The following GLI1 variants were observed in gnomAD, a reference collection of about 807,000 sequenced individuals.
GLI1 encodes the protein transcription activator GLI1.
In GLI1, 51 loss-of-function variants were observed where a neutral mutation model predicts 87.8. That is an observed-to-expected ratio of 0.58 (90% CI 0.46 to 0.73). The LOEUF is 0.73. GLI1 is among the 30% of genes least tolerant of loss of function. The pLI is 0.00. For missense variants in GLI1, 1,292 were observed against 1,437.2 expected, an observed-to-expected ratio of 0.90 and a Z score of 1.63; for synonymous variants, 528 against 558.2, an observed-to-expected ratio of 0.95 and a Z score of 0.76.
chr12:57,467,855 G>A (rs951485554), intron 9 of GLI1, 139 bp from the exon 10 acceptor site: 12 of 633,378 alleles, frequency 1.9e-5, no homozygotes, highest in Non-Finnish European at 3.1e-5. Context: ...GACTCCCACC[G>A]GAGGCCTCCA....
chr12:57,465,350 T>A, intron 5 of GLI1, 95 bp downstream of exon 5: 2 of 1,205,718 alleles, frequency 1.7e-6, no homozygotes, highest in Non-Finnish European at 2.3e-6. Flanking sequence ...ACAAGGGATA[T>A]AAGTTTTCAG....
chr12:57,469,388 C>T, intron 10 of GLI1, 43 bp from the exon 11 acceptor site: 1 of 1,594,760 alleles, frequency 6.3e-7, no homozygotes, highest in Non-Finnish European at 8.6e-7. Context: ...GTTGAAGGAG[C>T]TGTGGGGAAG....
Position 57,469,490 on chromosome 12 carries a change from G to T in GLI1, c.1368G>T (p.Gly456=), listed in dbSNP as rs752303305. ...GCAGCAGTGACCACTCCCCGGCAGG[G>T]AGTGCAGCCAATACAGACAGTGGTG... ...SSCSSDHSPA[G]SAANTDSGVE... Residue 456 remains glycine (G), a synonymous_variant, in exon 11 of 12, where the codon GGG becomes GGT. Transcript: ENST00000228682. 9.3e-6 allele frequency: 15 copies of T among 1,613,984 alleles called. No individual in the cohort carries two copies. The Admixed American group carries it at 1.0e-4, about 11-fold the overall frequency.
chr12:57,467,387 C>A lies in GLI1; in HGVS notation c.967C>A (p.Arg323=). ...SRLENLKTHL[R]SHTGEKPYMC... ...CCTCGAAAACCTGAAGACGCACCTG[C>A]GGTCACACACGGGTGAGAAGCCATA... The change falls in exon 9 of 12, where the codon CGG becomes AGG. Residue 323 remains arginine (R), a synonymous_variant. Transcript: ENST00000228682. 1 of 1,612,634 alleles carries A rather than the reference C, an allele frequency of 6.2e-7. No homozygotes were observed. The highest frequency in any genetic ancestry group is 8.5e-7 in the Non-Finnish European group (1 of 1,178,798).
chr12:57,460,465 A>T (rs907539918), intron 1 of GLI1: 5 of 152,268 alleles, frequency 3.3e-5, no homozygotes, highest in African/African-American at 1.2e-4. Flanking sequence ...CCTCTCCCAT[A>T]TATTAGAAAT....
intron 1 of GLI1, among the ~76,000 whole-genome samples, chr12:57,462,336 G>A (rs1307109063): frequency 6.6e-6 from 1 of 152,096 alleles, no homozygotes; most frequent in Non-Finnish European, 1.5e-5. Context: ...GGGCCGGGCT[G>A]GGTCGCGGGG....
At chr12:57,461,888 C>A (rs1285070377) in intron 1 of GLI1, among the ~76,000 whole-genome samples, 1 of 152,178 alleles carries the variant, frequency 6.6e-6, no homozygotes, top group African/African-American at 2.4e-5. Flanking sequence ...GGCAGGGGAA[C>A]CCTAGAGCTC....
intron 3 of GLI1, 141 bp from the exon 4 acceptor site, chr12:57,464,532 A>G (rs1454724014): frequency 9.5e-6 from 6 of 629,680 alleles, no homozygotes; most frequent in Admixed American, 8.9e-5. Context: ...TCTCAAAAAA[A>G]AAAAAAAAAA....
Position 57,470,439 on chromosome 12 carries a change from C to A in GLI1, c.1699C>A (p.Pro567Thr), listed in dbSNP as rs368138761. 2.8e-5 allele frequency: 45 copies of A among 1,614,060 alleles called. No individual in the cohort carries two copies. In the East Asian group the frequency reaches 6.0e-4, roughly 22 times the overall value. ...RRSSLASPFP[P>T]GSPPENGASS... ...CTCCTCCCTGGCCTCTCCTTTCCCC[C>A]CTGGCTCCCCACCAGAGAATGGAGC... Residue 567 changes from proline (P) to threonine (T), a missense_variant, in exon 12 of 12, where the codon CCT becomes ACT. By Grantham distance (38) the Pro-to-Thr change is conservative. Coordinates refer to ENST00000228682, the MANE Select transcript of GLI1 (RefSeq NM_005269.3).
chr12:57,470,539 G>A lies in GLI1; in HGVS notation c.1799G>A (p.Gly600Asp). ...RARYASARGG[G>D]TSPTAASSLD... ...AGATATGCTTCAGCCAGAGGGGGTGGTACTTCGCCCACTGCAGCATCCAGC... is the reference window on the plus strand; with the variant it reads ...AGATATGCTTCAGCCAGAGGGGGTGATACTTCGCCCACTGCAGCATCCAGC... Residue 600 changes from glycine to aspartate, a missense_variant, in exon 12 of 12, where the codon GGT (glycine) becomes GAT (aspartate). Around this residue, in one of 3 missense-constraint regions of GLI1, gnomAD observed 897 missense variants for 1,040.7 expected, o/e 0.86. Transcript: ENST00000228682. 6.2e-7 allele frequency: 1 copy of A among 1,614,032 alleles called. No individual in the cohort carries two copies. Among genetic ancestry groups the A allele is most frequent in the Non-Finnish European group, 8.5e-7 (1 of 1,179,964 alleles).
Position 57,470,826 on chromosome 12 carries a change from G to A in GLI1, c.2086G>A (p.Ala696Thr). 2.5e-6 allele frequency: 4 copies of A among 1,610,232 alleles called. No individual in the cohort carries two copies. Among genetic ancestry groups the A allele is most frequent in the Non-Finnish European group, 3.4e-6 (4 of 1,177,898 alleles). Residue 696 changes from alanine to threonine, a missense_variant, in exon 12 of 12, where the codon GCT becomes ACT. This residue lies in a region of GLI1 where 897 missense variants were observed against 1,040.7 expected (regional missense o/e 0.86). Transcript: ENST00000228682. Reference protein sequence around the residue: ...SPQPPSITENAAMDARGLQEE... With the variant: ...SPQPPSITENTAMDARGLQEE... ...ACAGCCCCCCAGCATCACTGAGAAT[G>A]CTGCCATGGATGCTAGAGGGCTACA...
Position 57,467,344 on chromosome 12 carries a change from C to A in GLI1, c.924C>A (p.Cys308Ter). 1 of 1,607,798 alleles carries A rather than the reference C, an allele frequency of 6.2e-7. No homozygotes were observed. Among genetic ancestry groups the A allele is most frequent in the Non-Finnish European group, 8.5e-7 (1 of 1,174,956 alleles). ...EKPHKCTFEGCRKSYSRLENL... is the reference protein window; with the variant it reads ...EKPHKCTFEG ...TGCATGTCCCCCAGTTTGAAGGGTG[C>A]CGGAAGTCATACTCACGCCTCGAAA... is the stretch of plus-strand genomic sequence containing the variant. Residue 308 changes from cysteine (C) to a stop codon, truncating the protein, a stop_gained, in exon 9 of 12, where the codon TGC becomes TGA. Coordinates refer to ENST00000228682, the MANE Select transcript of GLI1 (RefSeq NM_005269.3). LOFTEE classifies it high-confidence loss of function.
At chr12:57,470,241 G>A (rs1383362376) in intron 11 of GLI1, 76 bp from the exon 12 acceptor site, 1 of 1,113,714 alleles carries the variant, frequency 9.0e-7, no homozygotes, top group Non-Finnish European at 1.3e-6. Flanking sequence ...CCAGGGCAAG[G>A]CTGTTGCATG....
chr12:57,463,644 A>T, intron 1 of GLI1, 21 bp from the exon 2 acceptor site: 1 of 1,123,452 alleles, frequency 8.9e-7, no homozygotes. Context: ...CCACCTTTAT[A>T]CCTACCTTCC....
chr12:57,466,912 A>AT (rs1417700235), intron 8 of GLI1, among the ~76,000 whole-genome samples: 7 of 152,176 alleles, frequency 4.6e-5, no homozygotes, highest in African/African-American at 1.2e-4. Flanking sequence ...TCAAAAAAAA[A>AT]ATTTTTTTTA....
In GLI1 at chr12:57,471,840, T is replaced by C; in HGVS notation, c.3100T>C (p.Cys1034Arg). 6.4e-7 allele frequency: 1 copy of C among 1,573,544 alleles called. No homozygotes were observed. Among genetic ancestry groups the C allele is most frequent in the Non-Finnish European group, 8.6e-7 (1 of 1,160,314 alleles). Residue 1034 changes from cysteine to arginine, a missense_variant, in exon 12 of 12, where the codon TGT (cysteine) becomes CGT (arginine). Cys to Arg is a radical substitution (Grantham distance 180). Transcript: ENST00000228682. The surrounding 1 kb of genome is among the most constrained non-coding windows in gnomAD (Gnocchi z 4.9). The part of the protein sequence containing the change: ...ALYPPPEGQV[C>R]NPLDSLDLDN... ...GTACCCTCCTCCCGAAGGACAGGTA[T>C]GTAACCCCCTGGACTCTCTTGATCT...
At position 57,471,670 on chromosome 12, in the gene GLI1, G is replaced by C; in HGVS notation, c.2930G>C (p.Gly977Ala). Residue 977 changes from glycine (G) to alanine (A), a missense_variant, in exon 12 of 12, where the codon GGG becomes GCG. Physicochemically the swap from Gly to Ala is moderately conservative, Grantham distance 60 (BLOSUM62 0). This residue lies in a region of GLI1 where 897 missense variants were observed against 1,040.7 expected (regional missense o/e 0.86). Transcript: ENST00000228682. This position sits in a 1 kb window ranked among gnomAD's most constrained non-coding sequence, Gnocchi z 4.9. ...CCATGCCATGAAAATTTTGTAGTGG[G>C]GGCAAATAGGGCTTCACATAGGGCA... ...PSPCHENFVV[G>A]ANRASHRAAA... The C allele has an allele frequency of 1.2e-6, 2 of 1,609,954 alleles. No homozygotes were observed. Among genetic ancestry groups the C allele is most frequent in the South Asian group, 2.2e-5 (2 of 90,478 alleles).
At chr12:57,466,586 A>G (rs1322129926) in intron 8 of GLI1, among the ~76,000 whole-genome samples, 197 bp downstream of exon 8, 1 of 152,100 alleles carries the variant, frequency 6.6e-6, no homozygotes, top group Non-Finnish European at 1.5e-5. Context: ...CTAAAAGCTC[A>G]TTTTTTTCCC....
At position 57,464,691 on chromosome 12, in the gene GLI1, C is replaced by T; in HGVS notation, c.212C>T (p.Pro71Leu). ...SCTEGPLFSS[P>L]RSAVKLTKKR... is the part of the protein sequence containing the mutation. ...GCCCCAGGCCCACTCTTTTCTTCTC[C>T]CCGGAGTGCAGTCAAGTTGACCAAG... Residue 71 changes from proline to leucine, a missense_variant, in exon 4 of 12, where the codon CCC (proline) becomes CTC (leucine). Transcript: ENST00000228682. 6.2e-7 allele frequency: 1 copy of T among 1,613,954 alleles called. No homozygotes were observed. Among genetic ancestry groups the T allele is most frequent in the Non-Finnish European group, 8.5e-7 (1 of 1,179,836 alleles).
Sources: allele counts gnomAD v4.1 joint callset (sites outside exome capture counted in the v4.1 genomes callset), GRCh38; gene constraint gnomAD v4.1.1; regional missense constraint gnomAD v4.1.1; non-coding constraint Gnocchi (gnomAD v3.1); transcripts MANE v1.5; gene names NCBI Gene and HGNC (gene_info 2026-07-23, HGNC 2026-07-21).